Variants in SCN10A observed in about 807,000 individuals in gnomAD.
The protein encoded by SCN10A is sodium channel protein type 10 subunit alpha.
In SCN10A, 162 loss-of-function variants were observed where a neutral mutation model predicts 170.7. That is an observed-to-expected ratio of 0.95 (90% CI 0.84 to 1.08). The LOEUF (loss-of-function observed/expected upper bound fraction) is 1.08. Among genes scored for constraint, SCN10A ranks in the 50% least tolerant of loss-of-function variants. SCN10A has a pLI of 0.00. For synonymous variants in SCN10A, 985 were observed against 904.6 expected (o/e 1.09, Z -1.59); for missense variants, 2,527 against 2,436.9 (o/e 1.04, Z -0.78).
intron 4 of SCN10A, among the ~76,000 whole-genome samples, chr3:38,775,062 T>TA (rs557296011): frequency 6.6e-6 from 1 of 152,028 alleles, no homozygotes; most frequent in Non-Finnish European, 1.5e-5. Context: ...TTTCCTCTTT[T>TA]AAAAAAAAGT....
chr3:38,748,196 C>T (rs2063712407), intron 13 of SCN10A, among the ~76,000 whole-genome samples: 1 of 152,106 alleles, frequency 6.6e-6, no homozygotes, highest in South Asian at 2.1e-4. Context: ...AACCAAGAAA[C>T]CTATCTGGCC....
intron 20 of SCN10A, among the ~76,000 whole-genome samples, chr3:38,719,649 T>C (rs2063369362): frequency 6.6e-6 from 1 of 152,064 alleles, no homozygotes; most frequent in Non-Finnish European, 1.5e-5. Context: ...CGCCTCAGCC[T>C]CCCAAAGTGC....
chr3:38,811,195 G>C (rs556132488), intron 1 of SCN10A, among the ~76,000 whole-genome samples: 1 of 152,156 alleles, frequency 6.6e-6, no homozygotes, highest in Non-Finnish European at 1.5e-5. Flanking sequence ...GCTCACGCCT[G>C]TAATCCCAGC....
At chr3:38,761,456 C>T in intron 6 of SCN10A, 73 bp from the exon 7 acceptor site, 1 of 1,285,482 alleles carries the variant, frequency 7.8e-7, no homozygotes, top group Non-Finnish European at 1.1e-6. Context: ...TCATCTTAGC[C>T]ATCCTCCTTC....
chr3:38,713,541 A>G (rs2063298361), intron 22 of SCN10A, among the ~76,000 whole-genome samples: 1 of 152,058 alleles, frequency 6.6e-6, no homozygotes, highest in South Asian at 2.1e-4. Flanking sequence ...TTGAAAGAGA[A>G]CTAAGAGAGT....
chr3:38,798,267 T>A (rs979522128), intron 1 of SCN10A, among the ~76,000 whole-genome samples: 3 of 152,162 alleles, frequency 2.0e-5, no homozygotes, highest in Non-Finnish European at 2.9e-5. Context: ...TATCTACCAG[T>A]CCTGTCCCTT....
At chr3:38,780,015 C>T (rs1345836507) in intron 4 of SCN10A, among the ~76,000 whole-genome samples, 1 of 151,770 alleles carries the variant, frequency 6.6e-6, no homozygotes, top group Non-Finnish European at 1.5e-5. Context: ...TAATCAGATA[C>T]ATTATATTAA....
Position 38,806,832 on chromosome 3 carries a change from A to G in SCN10A, c.-33+9205T>C, listed in dbSNP as rs118033509. On this transcript the variant is annotated intron_variant, in intron 1 of 27. Coordinates refer to ENST00000449082, the MANE Select transcript of SCN10A (RefSeq NM_006514.4). ...CATTTGCAATTAAATTAAATTAAAT[A>G]TAAAGAATTTACAATGTTCCACTTT... Among the ~76,000 whole-genome samples the G allele has an allele frequency of 5.9e-3, 893 of 151,544 alleles. 26 individuals carry two copies. The highest frequency in any genetic ancestry group is 0.043 in the East Asian group (221 of 5,170).
intron 4 of SCN10A, among the ~76,000 whole-genome samples, chr3:38,784,524 CAT>C (rs2064175434): frequency 6.6e-6 from 1 of 152,148 alleles, no homozygotes; most frequent in Non-Finnish European, 1.5e-5. Flanking sequence ...CAGCCAATAT[CAT>C]ACTGAATGGG....
At chr3:38,807,168 G>C (rs918695017) in intron 1 of SCN10A, among the ~76,000 whole-genome samples, 3 of 152,190 alleles carry the variant, frequency 2.0e-5, no homozygotes, top group Non-Finnish European at 2.9e-5. Context: ...TTTTAAGGAT[G>C]AAGTATAGTT....
chr3:38,784,165 T>C (rs1300477648), intron 4 of SCN10A, among the ~76,000 whole-genome samples: 2 of 152,110 alleles, frequency 1.3e-5, no homozygotes, highest in East Asian at 3.9e-4. Context: ...TATACTAAAA[T>C]GTATCAGTTT....
chr3:38,740,930 G>A (rs1189217090), intron 14 of SCN10A, among the ~76,000 whole-genome samples: 1 of 152,074 alleles, frequency 6.6e-6, no homozygotes, highest in East Asian at 1.9e-4. Flanking sequence ...GACTTCTTGG[G>A]AATAAGCATT....
intron 1 of SCN10A, among the ~76,000 whole-genome samples, chr3:38,800,633 C>G (rs376098572): frequency 1.3e-5 from 2 of 151,730 alleles, no homozygotes; most frequent in Admixed American, 6.6e-5. Flanking sequence ...TTCTAGGAAA[C>G]TCTGACTCCC....
chr3:38,768,112 C>G (rs1215016826), intron 5 of SCN10A, among the ~76,000 whole-genome samples: 2 of 151,694 alleles, frequency 1.3e-5, no homozygotes, highest in Non-Finnish European at 2.9e-5. Flanking sequence ...ATCTCTTTAC[C>G]TTAAGTTTAT....
Position 38,724,569 on chromosome 3 carries a change from C to G in SCN10A, c.3228+605G>C, listed in dbSNP as rs560069352. On this transcript the variant is annotated intron_variant, in intron 18 of 27. Transcript: ENST00000449082. ...ACTTCACTACTCACCTATAGAGAGC[C>G]TCTCCCTAGCCCCAGGCTACTTTTG... 1.3e-5 allele frequency among the ~76,000 whole-genome samples: 2 copies of G among 152,180 alleles called. 1 individual carries two copies. The highest frequency in any genetic ancestry group is 2.9e-5 in the Non-Finnish European group (2 of 68,032).
chr3:38,796,419 G>C (rs2064342117), intron 1 of SCN10A, among the ~76,000 whole-genome samples: 1 of 151,866 alleles, frequency 6.6e-6, no homozygotes, highest in Non-Finnish European at 1.5e-5. Flanking sequence ...TTCCCCTTTA[G>C]TCCTTTCTAA....
chr3:38,766,669 C>G (rs983068157), intron 5 of SCN10A, among the ~76,000 whole-genome samples: 1 of 152,076 alleles, frequency 6.6e-6, no homozygotes, highest in Non-Finnish European at 1.5e-5. Context: ...CATCTATGTT[C>G]ATCAGGGATA....
intron 27 of SCN10A, among the ~76,000 whole-genome samples, chr3:38,700,827 G>A (rs1473007720): frequency 6.6e-6 from 1 of 152,170 alleles, no homozygotes; most frequent in South Asian, 2.1e-4. Flanking sequence ...AAGTAAGCAG[G>A]TCAGGATATA....
At chr3:38,736,857 C>A (rs1332767475) in intron 15 of SCN10A, among the ~76,000 whole-genome samples, 2 of 151,098 alleles carry the variant, frequency 1.3e-5, no homozygotes, top group Non-Finnish European at 2.9e-5. Context: ...AGTAAACTTG[C>A]CTATTTTTGG....
Sources: gnomAD v4.1 joint callset for allele counts (sites outside exome capture counted in the v4.1 genomes callset) on GRCh38, gnomAD v4.1.1 for gene constraint, MANE v1.5 for transcripts, NCBI Gene and HGNC (gene_info 2026-07-23, HGNC 2026-07-21) for gene names.